APBB2: variants seen among roughly 807,000 people sequenced by gnomAD.
APBB2 encodes Fe65-like 1.
Under a neutral mutation model 82.5 loss-of-function variants are expected in APBB2, and 38 were observed. The observed-to-expected ratio is 0.46, with a 90% CI of 0.36 to 0.60. The LOEUF (loss-of-function observed/expected upper bound fraction) is 0.60, where lower values mean the gene tolerates loss of function less well. Among genes scored for constraint, APBB2 ranks in the 20% least tolerant of loss-of-function variants. The pLI, the probability that APBB2 is intolerant of heterozygous loss-of-function variation, is 0.00. For synonymous variants in APBB2, 341 were observed against 368.2 expected, an observed-to-expected ratio of 0.93 and a Z score of 0.85; for missense variants, 772 against 972.3, an observed-to-expected ratio of 0.79 and a Z score of 2.74.
At chr4:40,921,946 G>A (rs138006566) in intron 10 of APBB2, among the ~76,000 whole-genome samples, 3 of 152,270 alleles carry the variant, frequency 2.0e-5, no homozygotes, top group Non-Finnish European at 4.4e-5. Flanking sequence ...CGTGTCTGCC[G>A]AGAGAATGAG....
rs560008839 is a variant in APBB2 at position 40,937,974 on chromosome 4, G to A, written c.1045-2835C>T. On this transcript the variant is annotated intron_variant, in intron 7 of 17. Coordinates refer to ENST00000508593, the MANE Select transcript of APBB2 (RefSeq NM_004307.2). ...AGTCTGTATCCACCCCCGTAGGGGT[G>A]GGAGAGATGAAGGAGGAAGAGGAGA... 8.4e-4 allele frequency among the ~76,000 whole-genome samples: 128 copies of A among 152,348 alleles called. 2 individuals are homozygous for A. The highest frequency in any genetic ancestry group is 2.8e-3 in the African/African-American group (116 of 41,588).
chr4:41,042,204 T>A (rs941207707), intron 4 of APBB2, among the ~76,000 whole-genome samples: 14 of 152,134 alleles, frequency 9.2e-5, no homozygotes, highest in African/African-American at 2.7e-4. Flanking sequence ...TTGGCCAGGA[T>A]GGTCTTCATC....
rs931846043 is a variant in APBB2 at position 40,832,703 on chromosome 4, G to A, written c.1530-2126C>T. Among the ~76,000 whole-genome samples, 2 of 152,172 alleles carry A rather than the reference G, an allele frequency of 1.3e-5. No homozygotes were observed. ...GCTGAAGATGGGTGAGAGCCTGGAA[G>A]GTTCCTCGCACACACAGTACATACA... On this transcript the variant is annotated intron_variant, in intron 12 of 17. Coordinates refer to ENST00000508593, the MANE Select transcript of APBB2 (RefSeq NM_004307.2). The surrounding 1 kb of genome is among the most constrained non-coding windows in gnomAD (Gnocchi z 4.8).
intron 12 of APBB2, among the ~76,000 whole-genome samples, chr4:40,865,510 G>A (rs572282944): frequency 1.2e-4 from 18 of 152,286 alleles, no homozygotes; most frequent in Non-Finnish European, 2.9e-5. Context: ...TTCTGTCCCT[G>A]CAGTTTTGCC....
chr4:40,863,907 A>AAAAAAAAAAAAAAAAC (rs1763404085), intron 12 of APBB2, among the ~76,000 whole-genome samples: 2 of 149,982 alleles, frequency 1.3e-5, no homozygotes, highest in Non-Finnish European at 3.0e-5. Context: ...AAAAAAAAAA[A>AAAAAAAAAAAAAAAAC]AAAAAAAAAG....
rs574978945 is a variant in APBB2 at position 40,956,102 on chromosome 4, G to GC, written c.836-11030dup. On this transcript the variant is annotated intron_variant, in intron 6 of 17. Coordinates refer to ENST00000508593, the MANE Select transcript of APBB2 (RefSeq NM_004307.2). Reference sequence around the variant, plus strand: ...AAAATATTTTTCTGATCACACGGTGGCCCTCCTCTTTTGCCTCTCTCTTTT... The same window carrying GC: ...AAAATATTTTTCTGATCACACGGTGGCCCCTCCTCTTTTGCCTCTCTCTTTT... Among the ~76,000 whole-genome samples the GC allele has an allele frequency of 1.9e-4, 29 of 152,164 alleles. No homozygotes were observed. In the South Asian group the frequency reaches 6.0e-3, roughly 32 times the overall value.
At position 41,026,199 on chromosome 4, in the gene APBB2, G is replaced by A. The variant is rs192052620; in HGVS notation, c.19+7037C>T. Among the ~76,000 whole-genome samples, 177 of 152,200 alleles carry A rather than the reference G, an allele frequency of 1.2e-3. 1 individual carries two copies. The highest frequency in any genetic ancestry group is 4.1e-3 in the African/African-American group (172 of 41,528). ...AACACTGGAGTGTGGAGGATGGGAGGAGGGAGAGGAGCAGAAAAGATAACT... is the reference window on the plus strand; with the variant it reads ...AACACTGGAGTGTGGAGGATGGGAGAAGGGAGAGGAGCAGAAAAGATAACT... On this transcript the variant is annotated intron_variant, in intron 5 of 17. Coordinates refer to ENST00000508593, the MANE Select transcript of APBB2 (RefSeq NM_004307.2).
intron 7 of APBB2, among the ~76,000 whole-genome samples, chr4:40,943,915 T>C (rs1460480356): frequency 6.6e-6 from 1 of 152,246 alleles, no homozygotes; most frequent in Non-Finnish European, 1.5e-5. Context: ...GTGATGAGAA[T>C]ATAAGGCTTA....
chr4:41,140,974 T>C (rs1290468267), intron 2 of APBB2, among the ~76,000 whole-genome samples: 1 of 152,106 alleles, frequency 6.6e-6, no homozygotes, highest in East Asian at 1.9e-4. Context: ...GTAATAATAA[T>C]AGAAATAAAG....
In APBB2 at chr4:40,906,026, T is replaced by C. The variant is rs927901297; in HGVS notation, c.1255-12615A>G. 4.6e-5 allele frequency among the ~76,000 whole-genome samples: 7 copies of C among 152,194 alleles called. 1 individual carries two copies. Among genetic ancestry groups the C allele is most frequent in the African/African-American group, 1.7e-4 (7 of 41,438 alleles). ...CCTGGATTTGGCTTCTAATTTAAGA[T>C]ATACATTTGTGTAGCATTAAAGTCA... is the stretch of plus-strand genomic sequence containing the variant. On this transcript the variant is annotated intron_variant, in intron 10 of 17. Transcript: ENST00000508593.
chr4:41,005,945 T>G (rs1240352258), intron 6 of APBB2, among the ~76,000 whole-genome samples: 5 of 152,208 alleles, frequency 3.3e-5, no homozygotes, highest in Non-Finnish European at 5.9e-5. Context: ...CACTCAAGCC[T>G]CTCACAGGCC....
rs139996835 is a variant in APBB2, at chr4:40,953,656, G to A, written c.836-8583C>T. Among the ~76,000 whole-genome samples, 211 of 152,180 alleles carry A rather than the reference G, an allele frequency of 1.4e-3. 1 individual carries two copies. Among genetic ancestry groups the A allele is most frequent in the African/African-American group, 4.8e-3 (199 of 41,498 alleles). On this transcript the variant is annotated intron_variant, in intron 6 of 17. Coordinates refer to ENST00000508593, the MANE Select transcript of APBB2 (RefSeq NM_004307.2). The stretch of plus-strand genomic sequence containing the variant: ...TGGCCCATATATTTCTAAAACCCTC[G>A]TGCTAGAAGCCTTAAAGATCAAATT...
At chr4:41,050,398 T>C (rs1454777517) in intron 4 of APBB2, among the ~76,000 whole-genome samples, 1 of 152,234 alleles carries the variant, frequency 6.6e-6, no homozygotes, top group South Asian at 2.1e-4. Context: ...GATGAGAGAT[T>C]AGGGAACTGG....
chr4:41,146,189 G>A (rs1320127612), intron 1 of APBB2, among the ~76,000 whole-genome samples: 1 of 152,086 alleles, frequency 6.6e-6, no homozygotes, highest in African/African-American at 2.4e-5. Context: ...AGCAAGGCAT[G>A]GTGGCACACG....
intron 1 of APBB2, among the ~76,000 whole-genome samples, chr4:41,185,473 T>C (rs947842307): frequency 2.0e-5 from 3 of 152,236 alleles, no homozygotes; most frequent in Non-Finnish European, 4.4e-5. Context: ...GTATAGTAAC[T>C]GTTCAATCAC....
intron 12 of APBB2, among the ~76,000 whole-genome samples, chr4:40,874,772 A>T (rs182453978): frequency 6.6e-6 from 1 of 152,188 alleles, no homozygotes; most frequent in African/African-American, 2.4e-5. Context: ...AGAATAGAAC[A>T]TTGCATACAG....
At chr4:40,880,610 C>T in intron 12 of APBB2, 1 of 985,418 alleles carries the variant, frequency 1.0e-6, no homozygotes, top group Non-Finnish European at 1.2e-6. Flanking sequence ...TCCTGGGATG[C>T]TCCAAGTATT....
At chr4:41,091,147 T>G (rs1404541816) in intron 3 of APBB2, among the ~76,000 whole-genome samples, 1 of 152,188 alleles carries the variant, frequency 6.6e-6, no homozygotes, top group Non-Finnish European at 1.5e-5. Context: ...GGTATTTTAT[T>G]TCCCATCACT....
At chr4:41,103,368 T>C (rs1466201154) in intron 2 of APBB2, among the ~76,000 whole-genome samples, 1 of 152,174 alleles carries the variant, frequency 6.6e-6, no homozygotes, top group Non-Finnish European at 1.5e-5. Context: ...TTACTTTTCA[T>C]TCTTAAAAAC....
Sources: gnomAD v4.1 joint callset for allele counts (sites outside exome capture counted in the v4.1 genomes callset) on GRCh38, gnomAD v4.1.1 for gene constraint, Gnocchi (gnomAD v3.1) non-coding constraint, MANE v1.5 for transcripts, NCBI Gene and HGNC (gene_info 2026-07-23, HGNC 2026-07-21) for gene names.